Variants in ADAMTS5 observed in about 807,000 individuals in gnomAD.
ADAMTS5 encodes ADAM metallopeptidase with thrombospondin type 1 motif 5.
A neutral mutation model predicts 81.4 loss-of-function variants in ADAMTS5; 54 were observed. That is an observed-to-expected ratio of 0.66 (90% CI 0.53 to 0.83). ADAMTS5 has a LOEUF of 0.83. Among genes scored for constraint, ADAMTS5 ranks in the 40% least tolerant of loss-of-function variants. The probability of loss-of-function intolerance (pLI) is 0.00; values close to 1 mark genes in which losing one functional copy is unlikely to be tolerated. For synonymous variants in ADAMTS5, 532 were observed against 508.8 expected, an observed-to-expected ratio of 1.05 and a Z score of -0.61; for missense variants, 1,194 against 1,229.9, an observed-to-expected ratio of 0.97 and a Z score of 0.44.
At position 26,918,285 on chromosome 21, in the gene ADAMTS5, A is replaced by G. The variant is rs1233364269; in HGVS notation, c.*5768T>C. 6.6e-6 allele frequency: 1 copy of G among 152,484 alleles called. No homozygotes were observed. Among genetic ancestry groups the G allele is most frequent in the Non-Finnish European group, 1.5e-5 (1 of 67,940 alleles). The allele number at this position is 152,484 out of a possible 1,614,324, so 9.4% of individuals were successfully genotyped here. ...GGGTAATAAGCAGCGTACATTTTAC[A>G]TCTTATATACAGTATGTAAATCTTC... On this transcript the variant is annotated 3_prime_UTR_variant, in exon 8 of 8. Coordinates refer to ENST00000284987, the MANE Select transcript of ADAMTS5 (RefSeq NM_007038.5).
At chr21:26,953,961 C>T (rs1217333600) in intron 2 of ADAMTS5, 1 of 152,996 alleles carries the variant, frequency 6.5e-6, no homozygotes, top group Non-Finnish European at 1.5e-5. Context: ...AAATTGGGCT[C>T]ATTTAGGACT....
At chr21:26,952,812 C>T (rs1038515754) in intron 2 of ADAMTS5, among the ~76,000 whole-genome samples, 1 of 152,180 alleles carries the variant, frequency 6.6e-6, no homozygotes, top group Non-Finnish European at 1.5e-5. Flanking sequence ...TATGGGACTC[C>T]TCTCACTCTG....
In ADAMTS5 at chr21:26,921,024, T is replaced by C. The variant is rs1480761806; in HGVS notation, c.*3029A>G. On this transcript the variant is annotated 3_prime_UTR_variant, in exon 8 of 8. Transcript: ENST00000284987. ...GTACTTTATACACAAACATGAAGCATAAATTAAAAAGTAGGACAACAGCAA... is the reference window on the plus strand; with the variant it reads ...GTACTTTATACACAAACATGAAGCACAAATTAAAAAGTAGGACAACAGCAA... 1 of 152,534 alleles carries C rather than the reference T, an allele frequency of 6.6e-6. No homozygotes were observed. The highest frequency in any genetic ancestry group is 1.5e-5 in the Non-Finnish European group (1 of 67,974). The allele number at this position is 152,534 out of a possible 1,614,324, so 9.4% of individuals were successfully genotyped here.
chr21:26,944,033 G>A (rs1450505261), intron 2 of ADAMTS5, among the ~76,000 whole-genome samples: 2 of 152,142 alleles, frequency 1.3e-5, no homozygotes, highest in Non-Finnish European at 2.9e-5. Context: ...GTTTTTGAAT[G>A]TCAGTGACTT....
At chr21:26,955,852 G>A (rs1987416046) in intron 1 of ADAMTS5, among the ~76,000 whole-genome samples, 1 of 152,120 alleles carries the variant, frequency 6.6e-6, no homozygotes, top group Non-Finnish European at 1.5e-5. Context: ...CGTGTTTCTA[G>A]TAAGCCATAA....
At chr21:26,951,446 C>T in intron 2 of ADAMTS5, among the ~76,000 whole-genome samples, 1 of 151,974 alleles carries the variant, frequency 6.6e-6, no homozygotes, top group African/African-American at 2.4e-5. Context: ...ACCATATACA[C>T]ATCTTCCAAA....
intron 1 of ADAMTS5, among the ~76,000 whole-genome samples, chr21:26,955,694 C>A (rs1366607067): frequency 6.6e-6 from 1 of 152,078 alleles, no homozygotes; most frequent in East Asian, 1.9e-4. Context: ...TAAGCCGCAA[C>A]TTTTTGACAT....
Position 26,918,696 on chromosome 21 carries a change from A to G in ADAMTS5, c.*5357T>C, listed in dbSNP as rs1296215538. The G allele has an allele frequency of 6.6e-6, 1 of 152,048 alleles. No homozygotes were observed. The highest frequency in any genetic ancestry group is 1.5e-5 in the Non-Finnish European group (1 of 67,954). The allele number at this position is 152,048 out of a possible 1,614,324, so 9.4% of individuals were successfully genotyped here. On this transcript the variant is annotated 3_prime_UTR_variant, in exon 8 of 8. Coordinates refer to ENST00000284987, the MANE Select transcript of ADAMTS5 (RefSeq NM_007038.5). ...TACAGTATGTTCTTCTATTGTAAAT[A>G]TACTCTCAGTATAGGTAGACGTGTT...
chr21:26,944,089 G>A (rs186323281), intron 2 of ADAMTS5, among the ~76,000 whole-genome samples: 285 of 152,268 alleles, frequency 1.9e-3, no homozygotes, highest in Non-Finnish European at 3.5e-3. Flanking sequence ...GGGAGGACTA[G>A]GGGAGACAAA....
At chr21:26,938,414 A>C (rs1029565537) in intron 3 of ADAMTS5, among the ~76,000 whole-genome samples, 3 of 152,228 alleles carry the variant, frequency 2.0e-5, no homozygotes, top group Non-Finnish European at 4.4e-5. Context: ...ATTCCACTAA[A>C]GGTGTTGGAA....
chr21:26,927,591 G>C (rs144785925), intron 7 of ADAMTS5, among the ~76,000 whole-genome samples: 1 of 152,148 alleles, frequency 6.6e-6, no homozygotes, highest in Non-Finnish European at 1.5e-5. Flanking sequence ...AGACATAGAG[G>C]AGGGAAGGGG....
chr21:26,944,972 C>A (rs536324517), intron 2 of ADAMTS5, among the ~76,000 whole-genome samples: 18 of 152,230 alleles, frequency 1.2e-4, no homozygotes, highest in African/African-American at 4.1e-4. Flanking sequence ...ACTAGGCTTA[C>A]AAGTTTTCTC....
At chr21:26,953,825 A>C (rs918192305) in intron 2 of ADAMTS5, 3 of 153,424 alleles carry the variant, frequency 2.0e-5, no homozygotes, top group African/African-American at 7.2e-5. Flanking sequence ...AACTCTACCC[A>C]ATATATTCCC....
intron 1 of ADAMTS5, among the ~76,000 whole-genome samples, chr21:26,957,262 T>C (rs1987443923): frequency 6.6e-6 from 1 of 152,258 alleles, no homozygotes. Flanking sequence ...AAACCTTATT[T>C]GAAGTTTATA....
intron 4 of ADAMTS5, among the ~76,000 whole-genome samples, chr21:26,933,857 C>G (rs190082675): frequency 2.0e-5 from 3 of 152,284 alleles, no homozygotes; most frequent in African/African-American, 7.2e-5. Flanking sequence ...TAATTCTCTT[C>G]TAGGGACTTT....
intron 1 of ADAMTS5, 139 bp downstream of exon 1, chr21:26,965,149 G>T: frequency 1.5e-6 from 2 of 1,313,532 alleles, no homozygotes; most frequent in Non-Finnish European, 2.1e-6. Context: ...TTGAAGGCTG[G>T]TTGGATTTCC....
intron 2 of ADAMTS5, among the ~76,000 whole-genome samples, chr21:26,950,780 A>C (rs902418067): frequency 2.6e-5 from 4 of 152,312 alleles, no homozygotes; most frequent in Admixed American, 6.5e-5. Flanking sequence ...ACTTCAAATA[A>C]TTTAATGCCG....
chr21:26,924,216 G>A lies in ADAMTS5; in HGVS notation c.2630C>T (p.Pro877Leu), dbSNP rs750142658. Residue 877 changes from proline to leucine, a missense_variant, in exon 8 of 8, where the codon CCG (proline) becomes CTG (leucine). Physicochemically the swap from Pro to Leu is moderately conservative, Grantham distance 98. Around this residue, in one of 2 missense-constraint regions of ADAMTS5, gnomAD observed 696 missense variants for 817.6 expected, o/e 0.85. Coordinates refer to ENST00000284987, the MANE Select transcript of ADAMTS5 (RefSeq NM_007038.5). The part of the protein sequence containing the change: ...SNKVGSHTSQ[P>L]QWVTGPWLAC... ...GAGCCATGGGCCCGTGACCCACTGC[G>A]GCTGCGAAGTGTGTGATCCCACTTT... is the stretch of plus-strand genomic sequence containing the variant. The A allele has an allele frequency of 3.3e-5, 54 of 1,614,076 alleles. No homozygotes were observed. The highest frequency in any genetic ancestry group is 1.1e-4 in the African/African-American group (8 of 74,938).
chr21:26,932,313 A>G, intron 5 of ADAMTS5, 134 bp from the exon 6 acceptor site: 2 of 833,312 alleles, frequency 2.4e-6, no homozygotes, highest in Non-Finnish European at 3.6e-6. Context: ...TTACTCACCA[A>G]TGCTGATGGA....
Sources: gnomAD v4.1 joint callset for allele counts (sites outside exome capture counted in the v4.1 genomes callset) on GRCh38, gnomAD v4.1.1 for gene constraint, gnomAD v4.1.1 regional missense constraint, MANE v1.5 for transcripts, NCBI Gene and HGNC (gene_info 2026-07-23, HGNC 2026-07-21) for gene names.